ZNF714: variants seen among roughly 807,000 people sequenced by gnomAD.
ZNF714 encodes the protein zinc finger protein 714.
ZNF714 carries 32 observed loss-of-function variants against 46.2 expected under a neutral mutation model. The observed-to-expected ratio is 0.69, with a 90% CI of 0.52 to 0.93. The LOEUF (loss-of-function observed/expected upper bound fraction) is 0.93. Ranked by LOEUF, ZNF714 falls within the 40% of genes least tolerant of loss-of-function variation. The pLI, the probability that ZNF714 is intolerant of heterozygous loss-of-function variation, is 0.00. For missense variants in ZNF714, 635 were observed against 646.3 expected (o/e 0.98, Z 0.19); for synonymous variants, 199 against 213.1 (o/e 0.93, Z 0.58).
In ZNF714 at chr19:21,122,979, A is replaced by G. The variant is rs1455547674; in HGVS notation, c.*4647A>G. The G allele has an allele frequency of 3.9e-5, 6 of 151,962 alleles. No individual in the cohort carries two copies. The East Asian group carries it at 1.2e-3, about 29-fold the overall frequency. 9.4% of individuals were successfully genotyped at this position (151,962 alleles called of 1,614,324 possible). On this transcript the variant is annotated 3_prime_UTR_variant, in exon 5 of 5. Coordinates refer to ENST00000456283, the MANE Select transcript of ZNF714 (RefSeq NM_182515.4). ...AGACCAGCCTGACCAACATGGTGAA[A>G]CCCCGTGTCTACTACAAATACAAAA...
At chr19:21,092,906 CTTTTTT>C (rs56845417) in intron 2 of ZNF714, among the ~76,000 whole-genome samples, 5 of 101,706 alleles carry the variant, frequency 4.9e-5, no homozygotes, top group Non-Finnish European at 9.2e-5. Flanking sequence ...ATAACTTAAA[CTTTTTT>C]TTTTTTTTTT....
At chr19:21,090,568 A>G (rs1968885652) in intron 2 of ZNF714, among the ~76,000 whole-genome samples, 1 of 152,140 alleles carries the variant, frequency 6.6e-6, no homozygotes, top group African/African-American at 2.4e-5. Flanking sequence ...CCACTCACCC[A>G]AAGTCAGCCA....
At chr19:21,099,718 T>C (rs1462679967) in intron 4 of ZNF714, among the ~76,000 whole-genome samples, 1 of 152,240 alleles carries the variant, frequency 6.6e-6, no homozygotes, top group Non-Finnish European at 1.5e-5. Flanking sequence ...TATTGTAGTT[T>C]CTTGTAAATT....
At chr19:21,092,756 C>A (rs759556171) in intron 2 of ZNF714, among the ~76,000 whole-genome samples, 9 of 152,070 alleles carry the variant, frequency 5.9e-5, no homozygotes, top group Non-Finnish European at 2.9e-5. Flanking sequence ...TCAACTAGGC[C>A]TCAGTGTCTG....
intron 2 of ZNF714, among the ~76,000 whole-genome samples, chr19:21,097,877 A>T (rs1380890076): frequency 6.6e-6 from 1 of 152,066 alleles, no homozygotes; most frequent in East Asian, 1.9e-4. Flanking sequence ...TTTGTCTGAA[A>T]AATATACACA....
At chr19:21,100,448 C>T (rs1969150751) in intron 4 of ZNF714, among the ~76,000 whole-genome samples, 1 of 152,016 alleles carries the variant, frequency 6.6e-6, no homozygotes, top group Admixed American at 6.6e-5. Context: ...AGGAGAATCG[C>T]TTCAACCCAG....
chr19:21,097,856 A>G (rs961819267), intron 2 of ZNF714, among the ~76,000 whole-genome samples: 4 of 152,156 alleles, frequency 2.6e-5, no homozygotes, highest in African/African-American at 9.7e-5. Flanking sequence ...ATCTAACTCA[A>G]CATGTCTTTT....
At chr19:21,097,080 A>T (rs1268186428) in intron 2 of ZNF714, among the ~76,000 whole-genome samples, 1 of 151,972 alleles carries the variant, frequency 6.6e-6, no homozygotes, top group Non-Finnish European at 1.5e-5. Flanking sequence ...GTTAGCCAGG[A>T]TGGTCTTGAT....
Position 21,098,840 on chromosome 19 carries a change from G to T in ZNF714, c.72G>T (p.Pro24=), listed in dbSNP as rs368674204. ...LAGIAVSKQD[P]ITSLEQEKEP... is the part of the protein sequence containing the mutation. Reference sequence around the variant, plus strand: ...GTATTGCTGTCTCTAAGCAAGACCCGATCACCAGTCTAGAGCAAGAAAAAG... The same window carrying T: ...GTATTGCTGTCTCTAAGCAAGACCCTATCACCAGTCTAGAGCAAGAAAAAG... Residue 24 remains proline, a synonymous_variant, in exon 4 of 5, where the codon CCG becomes CCT. Coordinates refer to ENST00000456283, the MANE Select transcript of ZNF714 (RefSeq NM_182515.4). 6.2e-7 allele frequency: 1 copy of T among 1,609,412 alleles called. No individual in the cohort carries two copies. Among genetic ancestry groups the T allele is most frequent in the Non-Finnish European group, 8.5e-7 (1 of 1,178,068 alleles).
chr19:21,097,433 GATGTTA>G (rs1264202290), intron 2 of ZNF714, among the ~76,000 whole-genome samples: 1 of 152,070 alleles, frequency 6.6e-6, no homozygotes, highest in Non-Finnish European at 1.5e-5. Flanking sequence ...TAGTGTTGTT[GATGTTA>G]ATAATTTGCT....
rs1328338475 is a variant in ZNF714, at chr19:21,119,835, CTT to C, written c.*1505_*1506del. ...TGGTAGAAAAATTATTTGTATATAA[CTT>C]TAAGAGGATCAGAAGGTTTTTTGCA... is the stretch of plus-strand genomic sequence containing the variant. On this transcript the variant is annotated 3_prime_UTR_variant, in exon 5 of 5. Transcript: ENST00000456283. 1 of 152,098 alleles carries C rather than the reference CTT, an allele frequency of 6.6e-6. No homozygotes were observed. The highest frequency in any genetic ancestry group is 6.5e-5 in the Admixed American group (1 of 15,268). The allele number at this position is 152,098 out of a possible 1,614,324, so 9.4% of individuals were successfully genotyped here.
At chr19:21,114,530 T>C (rs1186914974) in intron 4 of ZNF714, among the ~76,000 whole-genome samples, 1 of 152,130 alleles carries the variant, frequency 6.6e-6, no homozygotes, top group East Asian at 1.9e-4. Context: ...AATTTGAGCC[T>C]ACATTTGTCT....
At chr19:21,110,109 C>T (rs914492953) in intron 4 of ZNF714, among the ~76,000 whole-genome samples, 3 of 152,168 alleles carry the variant, frequency 2.0e-5, no homozygotes, top group Non-Finnish European at 4.4e-5. Context: ...GGTATATACC[C>T]AGTATAATGG....
chr19:21,098,816 T>C lies in ZNF714; in HGVS notation c.48T>C (p.Gly16=). Residue 16 remains glycine, a synonymous_variant, in exon 4 of 5, where the codon GGT becomes GGC. Transcript: ENST00000456283. ...TGCTATTTACTTTTAATAAAGCAGG[T>C]ATTGCTGTCTCTAAGCAAGACCCGA... is the stretch of plus-strand genomic sequence containing the variant. ...ENYKNLVFLA[G]IAVSKQDPIT... 6.2e-7 allele frequency: 1 copy of C among 1,607,022 alleles called. No homozygotes were observed. The highest frequency in any genetic ancestry group is 8.5e-7 in the Non-Finnish European group (1 of 1,176,352).
rs71176814 is a variant in ZNF714 at position 21,118,451 on chromosome 19, CAAA to C, written c.*134_*136del. ...TGGGCCACAAGGCAAGACTCTGTCT[CAAA>C]AAAAAAAAAAAAAAGAAAAGAAAAT... is the stretch of plus-strand genomic sequence containing the variant. On this transcript the variant is annotated 3_prime_UTR_variant, in exon 5 of 5. Coordinates refer to ENST00000456283, the MANE Select transcript of ZNF714 (RefSeq NM_182515.4). 0.013 allele frequency: 2,187 copies of C among 164,374 alleles called. No individual in the cohort carries two copies. The highest frequency in any genetic ancestry group is 0.025 in the South Asian group (191 of 7,744). The allele number at this position is 164,374 out of a possible 1,614,324, so 10.2% of individuals were successfully genotyped here.
chr19:21,083,635 A>T (rs527899278), intron 1 of ZNF714, among the ~76,000 whole-genome samples: 1 of 152,148 alleles, frequency 6.6e-6, no homozygotes, highest in African/African-American at 2.4e-5. Flanking sequence ...TTAATTAATT[A>T]TTTTTTGACA....
rs369704491 is a variant in ZNF714 at position 21,098,645 on chromosome 19, A to G, written c.44-167A>G. ...TGAGTACCAGGTAGTGAAATTAAGG[A>G]CCTACAAATTTAAAATATTTTCTAA... On this transcript the variant is annotated intron_variant, in intron 3 of 4. Transcript: ENST00000456283. Among the ~76,000 whole-genome samples, 4 of 152,284 alleles carry G rather than the reference A, an allele frequency of 2.6e-5. No individual in the cohort carries two copies. In the South Asian group the frequency reaches 8.3e-4, roughly 32 times the overall value.
chr19:21,104,043 AC>A (rs1263002492), intron 4 of ZNF714, among the ~76,000 whole-genome samples: 1 of 151,926 alleles, frequency 6.6e-6, no homozygotes, highest in Non-Finnish European at 1.5e-5. Context: ...CTTGACAAAC[AC>A]CGTTCCACTT....
chr19:21,093,893 C>G (rs1487188966), intron 2 of ZNF714, among the ~76,000 whole-genome samples: 1 of 152,246 alleles, frequency 6.6e-6, no homozygotes, highest in Non-Finnish European at 1.5e-5. Flanking sequence ...CTCGGCCTCC[C>G]AAAGTGCCGG....
Sources: allele counts gnomAD v4.1 joint callset (sites outside exome capture counted in the v4.1 genomes callset), GRCh38; gene constraint gnomAD v4.1.1; transcripts MANE v1.5; gene names NCBI Gene and HGNC (gene_info 2026-07-23, HGNC 2026-07-21).